The following GRAMD2B variants were observed in gnomAD, a reference collection of about 807,000 sequenced individuals.
The protein encoded by GRAMD2B is GRAM domain-containing protein 2B.
A neutral mutation model predicts 59.2 loss-of-function variants in GRAMD2B; 41 were observed. That is an observed-to-expected ratio of 0.69 (90% CI 0.54 to 0.90). The LOEUF (loss-of-function observed/expected upper bound fraction) is 0.90, where lower values mean the gene tolerates loss of function less well. GRAMD2B is among the 40% of genes least tolerant of loss of function. The pLI is 0.00. For missense variants in GRAMD2B, 424 were observed against 500.5 expected, an observed-to-expected ratio of 0.85 and a Z score of 1.46; for synonymous variants, 161 against 182.7, an observed-to-expected ratio of 0.88 and a Z score of 0.96.
rs767137901 is a variant in GRAMD2B at position 126,483,527 on chromosome 5, G to A, written c.800G>A (p.Gly267Glu). The A allele has an allele frequency of 6.2e-7, 1 of 1,613,064 alleles. No homozygotes were observed. Among genetic ancestry groups the A allele is most frequent in the Non-Finnish European group, 8.5e-7 (1 of 1,179,260 alleles). ...CAACAAAGAAGGCAAGACATGGAAG[G>A]ATATAGCAGTTCTGGTTCTCAAACT... ...VVQQRRQDME[G>E]YSSSGSQTPE... Residue 267 changes from glycine (G) to glutamate (E), a missense_variant, in exon 9 of 14, where the codon GGA becomes GAA. Coordinates refer to ENST00000285689, the MANE Select transcript of GRAMD2B (RefSeq NM_023927.4).
chr5:126,405,750 C>T (rs1332037229), intron 1 of GRAMD2B, among the ~76,000 whole-genome samples: 1 of 151,292 alleles, frequency 6.6e-6, no homozygotes, highest in Non-Finnish European at 1.5e-5. Flanking sequence ...ATTAAAACAC[C>T]GTTTGCTTTT....
intron 1 of GRAMD2B, among the ~76,000 whole-genome samples, chr5:126,432,979 T>C (rs970058885): frequency 1.3e-5 from 2 of 152,198 alleles, no homozygotes; most frequent in African/African-American, 4.8e-5. Flanking sequence ...TCAGCTGACA[T>C]TTACAAGTAC....
At chr5:126,483,391 C>G in intron 8 of GRAMD2B, 72 bp from the exon 9 acceptor site, 1 of 866,308 alleles carries the variant, frequency 1.2e-6, no homozygotes, top group Non-Finnish European at 1.9e-6. Context: ...GGTGAAAGGG[C>G]TGGGAGTTAC....
At chr5:126,482,014 C>T (rs1287546724) in intron 8 of GRAMD2B, among the ~76,000 whole-genome samples, 2 of 149,548 alleles carry the variant, frequency 1.3e-5, no homozygotes, top group South Asian at 2.1e-4. Flanking sequence ...ATACCTGCTA[C>T]AATATAGCAA....
intron 1 of GRAMD2B, among the ~76,000 whole-genome samples, chr5:126,447,147 A>G (rs1283259848): frequency 6.6e-6 from 1 of 152,150 alleles, no homozygotes; most frequent in Non-Finnish European, 1.5e-5. Flanking sequence ...CTTTGTCTGA[A>G]GGAATTGGAA....
chr5:126,468,727 G>T (rs188194647), intron 2 of GRAMD2B, among the ~76,000 whole-genome samples: 1 of 151,880 alleles, frequency 6.6e-6, no homozygotes, highest in African/African-American at 2.4e-5. Flanking sequence ...ACCTCAGGTG[G>T]TCCGCCCACC....
At chr5:126,424,207 A>G (rs1251196245) in intron 1 of GRAMD2B, among the ~76,000 whole-genome samples, 1 of 152,202 alleles carries the variant, frequency 6.6e-6, no homozygotes, top group Non-Finnish European at 1.5e-5. Context: ...GCCACATTAA[A>G]CACACAGACA....
intron 1 of GRAMD2B, among the ~76,000 whole-genome samples, chr5:126,436,648 A>T (rs1399629107): frequency 6.6e-6 from 1 of 152,210 alleles, no homozygotes; most frequent in Non-Finnish European, 1.5e-5. Context: ...CTCTTAATTT[A>T]AAAAATAACA....
chr5:126,465,661 T>C, intron 2 of GRAMD2B, 116 bp downstream of exon 2: 1 of 882,788 alleles, frequency 1.1e-6, no homozygotes. Flanking sequence ...AGACAAATAA[T>C]ACTCCTGAGA....
intron 1 of GRAMD2B, 111 bp downstream of exon 1, chr5:126,423,800 G>A (rs1052550494): frequency 1.1e-5 from 11 of 1,016,370 alleles, no homozygotes; most frequent in Non-Finnish European, 1.6e-5. Context: ...CTCCTATATG[G>A]ACAATCTTGT....
chr5:126,454,754 A>G (rs894851239), intron 1 of GRAMD2B, among the ~76,000 whole-genome samples: 1 of 152,076 alleles, frequency 6.6e-6, no homozygotes, highest in African/African-American at 2.4e-5. Context: ...TAGCCCTGCT[A>G]TTGCTGCTGG....
chr5:126,363,371 A>C (rs796795423), intron 1 of GRAMD2B, among the ~76,000 whole-genome samples: 24 of 152,322 alleles, frequency 1.6e-4, no homozygotes, highest in African/African-American at 5.8e-4. Flanking sequence ...TGCTGGTCAG[A>C]AATGTAAAAT....
intron 1 of GRAMD2B, among the ~76,000 whole-genome samples, chr5:126,443,940 T>C (rs1210829016): frequency 6.6e-6 from 1 of 151,456 alleles, no homozygotes; most frequent in Non-Finnish European, 1.5e-5. Context: ...TAATCCCAGC[T>C]ACTAGGGAGG....
intron 1 of GRAMD2B, among the ~76,000 whole-genome samples, chr5:126,410,240 C>G (rs918344793): frequency 6.6e-6 from 1 of 151,902 alleles, no homozygotes; most frequent in African/African-American, 2.4e-5. Flanking sequence ...TCATTGGTAG[C>G]TTGATGGGGA....
intron 5 of GRAMD2B, among the ~76,000 whole-genome samples, chr5:126,475,746 C>T (rs1216074329): frequency 6.6e-6 from 1 of 152,144 alleles, no homozygotes; most frequent in African/African-American, 2.4e-5. Flanking sequence ...GGGCGGATCA[C>T]CTGAGGTCGG....
At chr5:126,369,218 C>T (rs1055755520), upstream of GRAMD2B, among the ~76,000 whole-genome samples, 1 of 152,156 alleles carries the variant, frequency 6.6e-6, no homozygotes, top group African/African-American at 2.4e-5. Context: ...TAAGTCATAC[C>T]AGTCTCAATT....
chr5:126,462,202 A>G lies in GRAMD2B; in HGVS notation c.84-3224A>G, dbSNP rs1205222977. The G allele has an allele frequency of 4.6e-5, 7 of 153,762 alleles. No homozygotes were observed. In the Admixed American group the frequency reaches 4.6e-4, roughly 10 times the overall value. 9.5% of individuals were successfully genotyped at this position (153,762 alleles called of 1,614,324 possible). ...ACAGGGCTTTGTCTTCTGGTTAAAA[A>G]ATAAATAAAAACTGATTTCCTTATT... On this transcript the variant is annotated intron_variant, in intron 1 of 13. Transcript: ENST00000285689.
chr5:126,399,907 T>G, intron 1 of GRAMD2B, among the ~76,000 whole-genome samples: 1 of 152,162 alleles, frequency 6.6e-6, no homozygotes. Context: ...CTGGATCCCA[T>G]TTTCTTAATC....
At chr5:126,364,871 T>A (rs528929794) in intron 1 of GRAMD2B, among the ~76,000 whole-genome samples, 20 of 152,326 alleles carry the variant, frequency 1.3e-4, no homozygotes, top group Admixed American at 4.6e-4. Context: ...CAAACATGTC[T>A]TTGATTCTGT....
Sources: allele counts gnomAD v4.1 joint callset (sites outside exome capture counted in the v4.1 genomes callset), GRCh38; gene constraint gnomAD v4.1.1; transcripts MANE v1.5; gene names NCBI Gene and HGNC (gene_info 2026-07-23, HGNC 2026-07-21).